The following RBMS1 variants were observed in gnomAD, a reference collection of about 807,000 sequenced individuals.
RBMS1 encodes the protein RNA-binding motif, single-stranded-interacting protein 1.
RBMS1 carries 17 observed loss-of-function variants against 62.3 expected under a neutral mutation model. That is an observed-to-expected ratio of 0.27 (90% CI 0.19 to 0.41). The LOEUF (loss-of-function observed/expected upper bound fraction) is 0.41, where lower values mean the gene tolerates loss of function less well. Ranked by LOEUF, RBMS1 falls within the 10% of genes least tolerant of loss-of-function variation. The pLI is 1.00. For synonymous variants in RBMS1, 172 were observed against 170.0 expected (o/e 1.01, Z -0.09); for missense variants, 334 against 504.5 (o/e 0.66, Z 3.24).
chr2:160,491,572 C>T (rs974704739), intron 1 of RBMS1, among the ~76,000 whole-genome samples: 1 of 152,166 alleles, frequency 6.6e-6, no homozygotes, highest in Non-Finnish European at 1.5e-5. Context: ...TTCTAACTTA[C>T]TAATGGTATA....
chr2:160,475,277 T>C (rs1039877151), intron 1 of RBMS1, among the ~76,000 whole-genome samples: 1 of 152,230 alleles, frequency 6.6e-6, no homozygotes, highest in African/African-American at 2.4e-5. Flanking sequence ...CCTTTTCCCC[T>C]CTATCCTGTG....
chr2:160,331,210 TAAC>T (rs1691249234), intron 2 of RBMS1, among the ~76,000 whole-genome samples: 1 of 152,154 alleles, frequency 6.6e-6, no homozygotes, highest in South Asian at 2.1e-4. Context: ...ACAGCAGTCT[TAAC>T]AAATGAATAA....
chr2:160,475,286 T>C (rs1298316893), intron 1 of RBMS1, among the ~76,000 whole-genome samples: 1 of 152,258 alleles, frequency 6.6e-6, no homozygotes, highest in African/African-American at 2.4e-5. Flanking sequence ...CTCTATCCTG[T>C]GACCTGGGGG....
At chr2:160,295,904 A>G (rs539470108) in intron 6 of RBMS1, among the ~76,000 whole-genome samples, 15 of 152,330 alleles carry the variant, frequency 9.8e-5, no homozygotes, top group African/African-American at 3.4e-4. Flanking sequence ...TCCTTCTCAA[A>G]CTTTCCTTGT....
chr2:160,443,793 G>A, intron 1 of RBMS1, among the ~76,000 whole-genome samples: 1 of 152,194 alleles, frequency 6.6e-6, no homozygotes, highest in East Asian at 1.9e-4. Flanking sequence ...AGCACAGTGT[G>A]CTTTCTGTCA....
At chr2:160,379,534 T>C (rs779955216) in intron 1 of RBMS1, among the ~76,000 whole-genome samples, 6 of 152,220 alleles carry the variant, frequency 3.9e-5, no homozygotes, top group Non-Finnish European at 5.9e-5. Context: ...GCAAGCCTCA[T>C]TCCTCTCTTC....
At chr2:160,289,885 C>A (rs1463870240) in intron 6 of RBMS1, among the ~76,000 whole-genome samples, 2 of 151,248 alleles carry the variant, frequency 1.3e-5, no homozygotes, top group African/African-American at 2.4e-5. Context: ...CCTAGGAAAG[C>A]AAATTACATC....
intron 1 of RBMS1, among the ~76,000 whole-genome samples, chr2:160,451,645 G>C (rs1335493785): frequency 6.6e-6 from 1 of 151,938 alleles, no homozygotes; most frequent in Non-Finnish European, 1.5e-5. Context: ...GTCTTGCTCT[G>C]TCAGTCAGGC....
At chr2:160,318,845 T>C (rs1052784646) in intron 2 of RBMS1, among the ~76,000 whole-genome samples, 3 of 152,234 alleles carry the variant, frequency 2.0e-5, no homozygotes, top group African/African-American at 7.2e-5. Context: ...TGTAACTCAG[T>C]AATAATAATT....
In RBMS1 at chr2:160,285,714, T is replaced by C. The variant is rs114034504; in HGVS notation, c.757-670A>G. On this transcript the variant is annotated intron_variant, in intron 7 of 13. Transcript: ENST00000348849. ...TAAATGTACTATTTATATATAAATA[T>C]TTAGATTACTATTTAGGATAACTTC... 9.6e-3 allele frequency among the ~76,000 whole-genome samples: 1,451 copies of C among 151,806 alleles called. 13 individuals carry two copies. The highest frequency in any genetic ancestry group is 0.015 in the Non-Finnish European group (1,012 of 67,930).
chr2:160,296,335 A>T (rs968547573), intron 6 of RBMS1, among the ~76,000 whole-genome samples: 4 of 152,250 alleles, frequency 2.6e-5, no homozygotes, highest in Admixed American at 1.3e-4. Flanking sequence ...TAAGCAGTTC[A>T]ACTTCAGATA....
At chr2:160,371,385 T>C (rs1693714621) in intron 1 of RBMS1, among the ~76,000 whole-genome samples, 1 of 152,098 alleles carries the variant, frequency 6.6e-6, no homozygotes, top group African/African-American at 2.4e-5. Context: ...TTTACACACA[T>C]TCAATCTAAT....
At chr2:160,318,139 T>G in intron 3 of RBMS1, 30 bp downstream of exon 3, 2 of 1,579,434 alleles carry the variant, frequency 1.3e-6, no homozygotes, top group South Asian at 2.4e-5. Context: ...AAAGCTATCA[T>G]TTACCAAATA....
chr2:160,457,375 C>T (rs1025203296), intron 1 of RBMS1, among the ~76,000 whole-genome samples: 9 of 152,162 alleles, frequency 5.9e-5, no homozygotes, highest in Admixed American at 4.6e-4. Context: ...GGTGATCTGC[C>T]TGCCTCAGCC....
chr2:160,316,988 A>C (rs1422601059), intron 3 of RBMS1, among the ~76,000 whole-genome samples: 1 of 152,194 alleles, frequency 6.6e-6, no homozygotes, highest in African/African-American at 2.4e-5. Flanking sequence ...TATGCATTTC[A>C]GTCTATAATT....
intron 2 of RBMS1, among the ~76,000 whole-genome samples, chr2:160,347,734 C>T (rs1215455711): frequency 6.6e-6 from 1 of 152,050 alleles, no homozygotes; most frequent in Non-Finnish European, 1.5e-5. Context: ...TACAAAAGTA[C>T]CTTCATATAT....
intron 1 of RBMS1, among the ~76,000 whole-genome samples, chr2:160,415,350 C>T (rs546897259): frequency 6.6e-6 from 1 of 152,012 alleles, no homozygotes; most frequent in Non-Finnish European, 1.5e-5. Context: ...AACATAATTA[C>T]CTATGTATGT....
intron 1 of RBMS1, among the ~76,000 whole-genome samples, chr2:160,449,903 T>C (rs921923769): frequency 1.3e-5 from 2 of 152,134 alleles, no homozygotes; most frequent in Non-Finnish European, 2.9e-5. Flanking sequence ...GGCTCTCCCC[T>C]TCACCAAAGC....
At chr2:160,339,106 C>T (rs1415502616) in intron 2 of RBMS1, among the ~76,000 whole-genome samples, 2 of 152,196 alleles carry the variant, frequency 1.3e-5, no homozygotes, top group Non-Finnish European at 2.9e-5. Context: ...GCCCTCAGCA[C>T]TGGAGGCCAG....
Sources: gnomAD v4.1 joint callset for allele counts (sites outside exome capture counted in the v4.1 genomes callset) on GRCh38, gnomAD v4.1.1 for gene constraint, MANE v1.5 for transcripts, NCBI Gene and HGNC (gene_info 2026-07-23, HGNC 2026-07-21) for gene names.